TSPAN18: variants seen among roughly 807,000 people sequenced by gnomAD.
TSPAN18 encodes tetraspanin 18, also known as tetraspanin-18.
Under a neutral mutation model 27.3 loss-of-function variants are expected in TSPAN18, and 14 were observed. The observed-to-expected ratio is 0.51, with a 90% CI of 0.34 to 0.80. The LOEUF is 0.80. TSPAN18 is among the 30% of genes least tolerant of loss of function. The pLI is 0.01. For synonymous variants in TSPAN18, 143 were observed against 136.5 expected, an observed-to-expected ratio of 1.05 and a Z score of -0.33; for missense variants, 268 against 323.9, an observed-to-expected ratio of 0.83 and a Z score of 1.32.
At chr11:44,852,008 A>G (rs1590579843) in intron 2 of TSPAN18, among the ~76,000 whole-genome samples, 1 of 152,102 alleles carries the variant, frequency 6.6e-6, no homozygotes. Context: ...CCCTCCCCCA[A>G]TGCCTGACAT....
In TSPAN18 at chr11:44,930,698, T is replaced by G; in HGVS notation, c.*1520T>G. ...CAGGGGTGGCTGCTGGAGGCTGTGC[T>G]GGGGATCTGAGGTTTGGTCTGGGCT... On this transcript the variant is annotated 3_prime_UTR_variant, in exon 10 of 10. Coordinates refer to ENST00000520358, the MANE Select transcript of TSPAN18 (RefSeq NM_130783.5). The G allele has an allele frequency of 2.6e-6, 1 of 383,754 alleles. No individual in the cohort carries two copies. The highest frequency in any genetic ancestry group is 5.3e-6 in the Non-Finnish European group (1 of 189,860). The allele number at this position is 383,754 out of a possible 1,614,324, so 23.8% of individuals were successfully genotyped here. A position where few individuals can be genotyped will look rare whatever the true frequency, so the allele number is the denominator to read the frequency against.
intron 2 of TSPAN18, among the ~76,000 whole-genome samples, chr11:44,842,432 CAG>C (rs1169724347): frequency 2.0e-5 from 3 of 152,196 alleles, no homozygotes; most frequent in South Asian, 2.1e-4. Flanking sequence ...CTGTGATGCA[CAG>C]AGCATTTTCT....
intron 3 of TSPAN18, among the ~76,000 whole-genome samples, chr11:44,888,524 G>A (rs1858735999): frequency 6.6e-6 from 1 of 152,172 alleles, no homozygotes; most frequent in Admixed American, 6.5e-5. Flanking sequence ...GATCACCAAA[G>A]GGTTTATAAT....
At chr11:44,781,434 C>T (rs753102235) in intron 2 of TSPAN18, among the ~76,000 whole-genome samples, 1 of 152,192 alleles carries the variant, frequency 6.6e-6, no homozygotes, top group Admixed American at 6.5e-5. Context: ...GTTACCTTCT[C>T]GATGGCTGGG....
intron 2 of TSPAN18, among the ~76,000 whole-genome samples, chr11:44,808,177 A>G (rs1047840367): frequency 1.2e-4 from 18 of 152,206 alleles, no homozygotes; most frequent in African/African-American, 3.9e-4. Context: ...TTCCCCCAGG[A>G]AAGTGATATT....
chr11:44,809,237 C>A (rs968482817), intron 2 of TSPAN18, among the ~76,000 whole-genome samples: 2 of 152,110 alleles, frequency 1.3e-5, no homozygotes, highest in Non-Finnish European at 2.9e-5. Flanking sequence ...ACACACCCAT[C>A]ATGCACTGTG....
At chr11:44,778,377 T>TC (rs1018308106) in intron 2 of TSPAN18, among the ~76,000 whole-genome samples, 9 of 152,208 alleles carry the variant, frequency 5.9e-5, no homozygotes, top group African/African-American at 1.7e-4. Context: ...CCTCTCTTTT[T>TC]CCCCGCAGAC....
intron 2 of TSPAN18, among the ~76,000 whole-genome samples, chr11:44,848,080 C>T (rs531419706): frequency 6.6e-6 from 1 of 152,284 alleles, no homozygotes; most frequent in Admixed American, 6.5e-5. Flanking sequence ...AGGTCATTTG[C>T]CCATCTCAGC....
intron 3 of TSPAN18, among the ~76,000 whole-genome samples, chr11:44,888,152 A>G (rs12283563): frequency 0.49 from 73,690 of 151,696 alleles, 18,966 homozygotes; most frequent in East Asian, 0.72. Flanking sequence ...GGGGCTGCCA[A>G]CTCCTCCTCT....
At chr11:44,920,935 A>C (rs1860110237) in intron 8 of TSPAN18, among the ~76,000 whole-genome samples, 1 of 152,234 alleles carries the variant, frequency 6.6e-6, no homozygotes, top group Non-Finnish European at 1.5e-5. Context: ...AAACCAGATG[A>C]GGGGCTAGAA....
At chr11:44,756,067 ACT>A (rs1169736598) in intron 1 of TSPAN18, among the ~76,000 whole-genome samples, 1 of 151,080 alleles carries the variant, frequency 6.6e-6, no homozygotes, top group African/African-American at 2.4e-5. Flanking sequence ...GGGTTGGTCA[ACT>A]CTCTCTCTTC....
At chr11:44,900,199 T>G (rs1210233195) in intron 3 of TSPAN18, among the ~76,000 whole-genome samples, 2 of 152,208 alleles carry the variant, frequency 1.3e-5, no homozygotes, top group Non-Finnish European at 2.9e-5. Flanking sequence ...CCACATTCAG[T>G]AGGCCTCTAT....
At chr11:44,865,379 C>T (rs574405330) in intron 3 of TSPAN18, among the ~76,000 whole-genome samples, 6 of 152,298 alleles carry the variant, frequency 3.9e-5, no homozygotes, top group South Asian at 2.1e-4. Flanking sequence ...GCTCTGGGCA[C>T]GTGGTAAATG....
At chr11:44,850,062 T>A (rs1272003209) in intron 2 of TSPAN18, among the ~76,000 whole-genome samples, 1 of 152,168 alleles carries the variant, frequency 6.6e-6, no homozygotes, top group Non-Finnish European at 1.5e-5. Context: ...TAATAACCCC[T>A]GTCCCCAGGA....
intron 2 of TSPAN18, among the ~76,000 whole-genome samples, chr11:44,840,161 G>C (rs892268880): frequency 6.6e-6 from 1 of 152,206 alleles, no homozygotes; most frequent in Non-Finnish European, 1.5e-5. Flanking sequence ...GGCTCAGTTT[G>C]TGAATCTATG....
chr11:44,902,233 T>C (rs1291354939), intron 3 of TSPAN18, among the ~76,000 whole-genome samples: 1 of 152,208 alleles, frequency 6.6e-6, no homozygotes, highest in African/African-American at 2.4e-5. Context: ...TTACACTGGA[T>C]GTTTTTATAG....
chr11:44,904,265 T>A (rs1399812640), intron 3 of TSPAN18, among the ~76,000 whole-genome samples: 1 of 152,214 alleles, frequency 6.6e-6, no homozygotes, highest in African/African-American at 2.4e-5. Flanking sequence ...ACTTTGATGC[T>A]GAGTGGCCCC....
chr11:44,836,388 G>A (rs1226699276), intron 2 of TSPAN18, among the ~76,000 whole-genome samples: 1 of 152,218 alleles, frequency 6.6e-6, no homozygotes, highest in African/African-American at 2.4e-5. Flanking sequence ...TTCTGTGAAG[G>A]CTGAGAGAGG....
chr11:44,773,570 T>C (rs1037354778), intron 2 of TSPAN18, among the ~76,000 whole-genome samples: 1 of 152,166 alleles, frequency 6.6e-6, no homozygotes, highest in Admixed American at 6.5e-5. Flanking sequence ...TTTAGGTTTG[T>C]TTCAAAATTC....
Sources: gnomAD v4.1 joint callset for allele counts (sites outside exome capture counted in the v4.1 genomes callset) on GRCh38, gnomAD v4.1.1 for gene constraint, MANE v1.5 for transcripts, NCBI Gene and HGNC (gene_info 2026-07-23, HGNC 2026-07-21) for gene names.